RNGTT: variants seen among roughly 807,000 people sequenced by gnomAD.
RNGTT encodes the protein RNA guanylyltransferase and 5'-phosphatase.
In RNGTT, 33 loss-of-function variants were observed where a neutral mutation model predicts 79.3. The ratio of observed to expected loss-of-function variants is 0.42; its 90% confidence interval spans 0.32 to 0.56. RNGTT has a LOEUF of 0.56. Among genes scored for constraint, RNGTT ranks in the 20% least tolerant of loss-of-function variants. The pLI, the probability that RNGTT is intolerant of heterozygous loss-of-function variation, is 0.17. For missense variants in RNGTT, 497 were observed against 739.1 expected, an observed-to-expected ratio of 0.67 and a Z score of 3.80; for synonymous variants, 222 against 235.9, an observed-to-expected ratio of 0.94 and a Z score of 0.54.
intron 8 of RNGTT, among the ~76,000 whole-genome samples, chr6:88,886,900 C>A (rs140504571): frequency 5.3e-5 from 8 of 152,080 alleles, no homozygotes; most frequent in African/African-American, 1.4e-4. Context: ...TTTTCAAATC[C>A]ATTAAAGTTT....
chr6:88,817,791 G>T (rs1328014695), intron 11 of RNGTT, among the ~76,000 whole-genome samples: 10 of 114,308 alleles, frequency 8.7e-5, no homozygotes, highest in Admixed American at 1.3e-4. Context: ...ACGGAGTCTC[G>T]CTGTGTCTCC....
chr6:88,822,054 A>C (rs1397720984), intron 11 of RNGTT, among the ~76,000 whole-genome samples: 1 of 152,206 alleles, frequency 6.6e-6, no homozygotes, highest in East Asian at 1.9e-4. Context: ...AGTCAGGGGA[A>C]GGGCCAAAAA....
At chr6:88,692,318 T>C (rs1775510768) in intron 13 of RNGTT, among the ~76,000 whole-genome samples, 3 of 152,168 alleles carry the variant, frequency 2.0e-5, no homozygotes, top group Non-Finnish European at 2.9e-5. Context: ...AAATTGTATG[T>C]CCACAAAGAG....
intron 12 of RNGTT, among the ~76,000 whole-genome samples, chr6:88,791,513 A>C (rs1426424265): frequency 6.6e-6 from 1 of 152,082 alleles, no homozygotes; most frequent in Non-Finnish European, 1.5e-5. Flanking sequence ...ACTAGCTAGT[A>C]CCATCACGTT....
rs1009875759 is a variant in RNGTT, at chr6:88,891,664, G to A, written c.794+142C>T. 33 of 471,228 alleles carry A rather than the reference G, an allele frequency of 7.0e-5. No homozygotes were observed. The East Asian group carries it at 1.1e-3, about 15-fold the overall frequency. The allele number at this position is 471,228 out of a possible 1,614,324, so 29.2% of individuals were successfully genotyped here. A position where few individuals can be genotyped will look rare whatever the true frequency, so the allele number is the denominator to read the frequency against. ...CAACTGTCTGGTTATTGCATTGATT[G>A]TCTTGAACGAAATCTGACACCTTTA... On this transcript the variant is annotated intron_variant, in intron 7 of 15. Transcript: ENST00000369485.
chr6:88,844,045 A>T (rs1310244180), intron 11 of RNGTT, among the ~76,000 whole-genome samples: 1 of 151,694 alleles, frequency 6.6e-6, no homozygotes, highest in Non-Finnish European at 1.5e-5. Context: ...AGCAGGCCTA[A>T]TGATTTTCAT....
chr6:88,923,719 G>A (rs982478788), intron 4 of RNGTT, among the ~76,000 whole-genome samples: 2 of 151,960 alleles, frequency 1.3e-5, no homozygotes, highest in African/African-American at 4.8e-5. Context: ...TCTTCCTTAC[G>A]ATCCCTTTTC....
chr6:88,940,639 T>G (rs755077341), intron 2 of RNGTT, among the ~76,000 whole-genome samples: 1 of 152,180 alleles, frequency 6.6e-6, no homozygotes, highest in Non-Finnish European at 1.5e-5. Flanking sequence ...CTACACATTT[T>G]TGTTTTTCTA....
At chr6:88,807,294 AC>A (rs1252480505) in intron 11 of RNGTT, among the ~76,000 whole-genome samples, 1 of 152,234 alleles carries the variant, frequency 6.6e-6, no homozygotes, top group Non-Finnish European at 1.5e-5. Context: ...AATGATCTAG[AC>A]AAAAAAGTGG....
intron 2 of RNGTT, among the ~76,000 whole-genome samples, chr6:88,929,853 C>T (rs1294367887): frequency 3.3e-5 from 5 of 150,736 alleles, no homozygotes; most frequent in African/African-American, 1.2e-4. Flanking sequence ...CACACATATA[C>T]ATATGTATAC....
chr6:88,875,709 T>C (rs1419630209), intron 8 of RNGTT, among the ~76,000 whole-genome samples: 1 of 152,182 alleles, frequency 6.6e-6, no homozygotes, highest in Non-Finnish European at 1.5e-5. Context: ...CAATGCCTAA[T>C]ACACATTAAG....
intron 13 of RNGTT, among the ~76,000 whole-genome samples, chr6:88,722,242 C>T (rs913605747): frequency 6.6e-6 from 1 of 151,632 alleles, no homozygotes; most frequent in African/African-American, 2.4e-5. Flanking sequence ...TTTCATTAAG[C>T]AATTAAAGAG....
chr6:88,706,955 T>G (rs571622114), intron 13 of RNGTT, among the ~76,000 whole-genome samples: 3 of 152,300 alleles, frequency 2.0e-5, no homozygotes, highest in African/African-American at 7.2e-5. Context: ...TACCTGTTGT[T>G]AATATGACTA....
chr6:88,892,673 C>T (rs890160493), intron 6 of RNGTT, among the ~76,000 whole-genome samples: 1 of 151,924 alleles, frequency 6.6e-6, no homozygotes, highest in African/African-American at 2.4e-5. Flanking sequence ...TAGATGTATG[C>T]TACAGTTCTT....
At chr6:88,664,666 T>C (rs1426181151) in intron 14 of RNGTT, among the ~76,000 whole-genome samples, 1 of 152,022 alleles carries the variant, frequency 6.6e-6, no homozygotes, top group East Asian at 1.9e-4. Context: ...AGACAGGACA[T>C]TGGAAAGATA....
rs557524304 is a variant in RNGTT, at chr6:88,626,053, G to A, written c.1507-11658C>T. Among the ~76,000 whole-genome samples the A allele has an allele frequency of 2.6e-5, 4 of 152,154 alleles. No individual in the cohort carries two copies. The South Asian group carries it at 8.3e-4, about 32-fold the overall frequency. ...TTAATGCTCACAACAACCCTATGAA[G>A]TAGGTATTAATATCCCCATTTCACA... is the stretch of plus-strand genomic sequence containing the variant. On this transcript the variant is annotated intron_variant, in intron 14 of 15. Transcript: ENST00000369485.
chr6:88,962,448 A>G (rs892270419), intron 1 of RNGTT, among the ~76,000 whole-genome samples: 1 of 152,196 alleles, frequency 6.6e-6, no homozygotes, highest in African/African-American at 2.4e-5. Flanking sequence ...CCTGGGCAAC[A>G]CAGTGAAACC....
At chr6:88,933,006 C>A (rs1784556513) in intron 2 of RNGTT, among the ~76,000 whole-genome samples, 1 of 152,144 alleles carries the variant, frequency 6.6e-6, no homozygotes, top group Admixed American at 6.6e-5. Flanking sequence ...CCTATCAGCA[C>A]CCCAACTTTC....
At chr6:88,877,171 T>C (rs947134630) in intron 8 of RNGTT, among the ~76,000 whole-genome samples, 1 of 152,216 alleles carries the variant, frequency 6.6e-6, no homozygotes, top group Non-Finnish European at 1.5e-5. Flanking sequence ...GAGTGAACTC[T>C]GGGAAATCAA....
Sources: allele counts gnomAD v4.1 joint callset (sites outside exome capture counted in the v4.1 genomes callset), GRCh38; gene constraint gnomAD v4.1.1; transcripts MANE v1.5; gene names NCBI Gene and HGNC (gene_info 2026-07-23, HGNC 2026-07-21).